The following FARP2 variants were observed in gnomAD, a reference collection of about 807,000 sequenced individuals.
FARP2 encodes FERM, ARH/RhoGEF and pleckstrin domain protein 2.
Under a neutral mutation model 130.5 loss-of-function variants are expected in FARP2, and 111 were observed. The ratio of observed to expected loss-of-function variants is 0.85; its 90% CI spans 0.73 to 1.00. The LOEUF is 1.00. FARP2 is among the 50% of genes least tolerant of loss of function. The probability of loss-of-function intolerance (pLI) is 0.00; values close to 1 mark genes in which losing one functional copy is unlikely to be tolerated. For missense variants in FARP2, 1,385 were observed against 1,346.3 expected (o/e 1.03, Z -0.45); for synonymous variants, 504 against 516.9 (o/e 0.98, Z 0.34).
chr2:241,442,842 T>A (rs2063422022), intron 13 of FARP2: 1 of 264,036 alleles, frequency 3.8e-6, no homozygotes, highest in African/African-American at 2.3e-5. Context: ...GAACTGGTGC[T>A]ATACATTCTG....
intron 17 of FARP2, among the ~76,000 whole-genome samples, chr2:241,467,598 C>T (rs995697969): frequency 3.3e-5 from 5 of 150,716 alleles, no homozygotes; most frequent in Admixed American, 6.6e-5. Context: ...GCTAAGATCC[C>T]ACCACTGTAC....
chr2:241,438,622 T>G (rs1031667393), intron 12 of FARP2, among the ~76,000 whole-genome samples: 14 of 102,102 alleles, frequency 1.4e-4, no homozygotes, highest in South Asian at 3.4e-4. Flanking sequence ...AACTCTCTGG[T>G]TTTTTTTTTT....
intron 19 of FARP2, among the ~76,000 whole-genome samples, chr2:241,481,456 T>A (rs1307960013): frequency 2.6e-5 from 4 of 152,214 alleles, no homozygotes; most frequent in African/African-American, 9.7e-5. Context: ...GTGTTAGCCT[T>A]GTTAGAAGAA....
chr2:241,492,791 T>C (rs1284119519), intron 24 of FARP2, 138 bp from the exon 25 acceptor site: 1 of 596,950 alleles, frequency 1.7e-6, no homozygotes, highest in African/African-American at 1.9e-5. Context: ...ATAAAGCTGC[T>C]GTTCATAGCA....
intron 12 of FARP2, among the ~76,000 whole-genome samples, chr2:241,439,919 T>C (rs2150413008): frequency 6.6e-6 from 1 of 152,188 alleles, no homozygotes; most frequent in East Asian, 1.9e-4. Context: ...GATGGCACAT[T>C]GCACTCCAGC....
At chr2:241,468,767 A>G (rs754857350) in intron 18 of FARP2, among the ~76,000 whole-genome samples, 8 of 152,232 alleles carry the variant, frequency 5.3e-5, no homozygotes, top group Non-Finnish European at 7.3e-5. Flanking sequence ...CCTGCTGCCT[A>G]TGGATGTTTC....
At position 241,494,110 on chromosome 2, in the gene FARP2, G is replaced by A. The variant is rs780479046; in HGVS notation, c.3150G>A (p.Arg1050=). 2 of 1,479,334 alleles carry A rather than the reference G, an allele frequency of 1.4e-6. No individual in the cohort carries two copies. The highest frequency in any genetic ancestry group is 1.8e-6 in the Non-Finnish European group (2 of 1,123,904). The allele number at this position is 1,479,334 out of a possible 1,614,324, so 91.6% of individuals were successfully genotyped here. A position where few individuals can be genotyped will look rare whatever the true frequency, so the allele number is the denominator to read the frequency against. ...CCTCAGGGCTGGAGGGGATGGTCAG[G>A]GGGAAGGAGGAATGACGCTCAACCT... is the stretch of plus-strand genomic sequence containing the variant. ...QPSSGLEGMV[R]GKEE The change falls in exon 27 of 27, where the codon AGG becomes AGA. Residue 1050 remains arginine (R), a synonymous_variant. Transcript: ENST00000264042. This position sits in a 1 kb window ranked among gnomAD's most constrained non-coding sequence, Gnocchi z 4.9.
chr2:241,480,229 G>A lies in FARP2; in HGVS notation c.2263-3236G>A, dbSNP rs182254830. On this transcript the variant is annotated intron_variant, in intron 19 of 26. Coordinates refer to ENST00000264042, the MANE Select transcript of FARP2 (RefSeq NM_014808.4). Reference sequence around the variant, plus strand: ...CACTGTCTGGTTTCCAGTGCTTCTGGAGACTTCTTGCCTAGGCCTCATCTT... The same window carrying A: ...CACTGTCTGGTTTCCAGTGCTTCTGAAGACTTCTTGCCTAGGCCTCATCTT... Among the ~76,000 whole-genome samples the A allele has an allele frequency of 8.2e-4, 125 of 152,150 alleles. 1 individual carries two copies. The highest frequency in any genetic ancestry group is 2.7e-3 in the African/African-American group (113 of 41,576).
At chr2:241,488,475 G>C (rs1574914361) in intron 21 of FARP2, 1 of 147,106 alleles carries the variant, frequency 6.8e-6, no homozygotes, top group South Asian at 2.1e-4. Flanking sequence ...GGAGTGCCCA[G>C]GCACGATCTC....
chr2:241,365,971 GCT>G (rs1296275283), intron 1 of FARP2, among the ~76,000 whole-genome samples: 2 of 143,910 alleles, frequency 1.4e-5, no homozygotes, highest in African/African-American at 5.1e-5. Flanking sequence ...TTTGGTTTAT[GCT>G]CTTTTTTTTT....
At chr2:241,381,649 T>G (rs2061666152) in intron 2 of FARP2, among the ~76,000 whole-genome samples, 1 of 152,234 alleles carries the variant, frequency 6.6e-6, no homozygotes, top group Non-Finnish European at 1.5e-5. Context: ...TTATTGTTCC[T>G]TTTTAGGTAT....
chr2:241,481,056 CAAAAAAA>C (rs34996407), intron 19 of FARP2, among the ~76,000 whole-genome samples: 1,663 of 105,176 alleles, frequency 0.016, 37 homozygotes, highest in African/African-American at 0.054. Flanking sequence ...TTGTCTCTAC[CAAAAAAA>C]AAAAAAAAAA....
At chr2:241,462,646 TA>T (rs753027843) in intron 15 of FARP2, 34 bp downstream of exon 15, 122 of 1,358,958 alleles carry the variant, frequency 9.0e-5, no homozygotes, top group Admixed American at 1.4e-4. Context: ...GATTTTTTTT[TA>T]AAATAAATCT....
intron 2 of FARP2, chr2:241,395,514 G>A (rs945789334): frequency 1.3e-5 from 2 of 152,190 alleles, no homozygotes; most frequent in Admixed American, 1.3e-4. Flanking sequence ...TTATGCCATT[G>A]CAGAGAAGCT....
chr2:241,370,094 GA>G (rs952529164), intron 1 of FARP2, among the ~76,000 whole-genome samples: 2 of 152,114 alleles, frequency 1.3e-5, no homozygotes, highest in African/African-American at 4.8e-5. Flanking sequence ...GCAGTAAGAA[GA>G]AATAAGATCT....
At chr2:241,373,754 C>G (rs2061475941) in intron 2 of FARP2, among the ~76,000 whole-genome samples, 1 of 152,140 alleles carries the variant, frequency 6.6e-6, no homozygotes, top group Non-Finnish European at 1.5e-5. Context: ...ACACACAGAG[C>G]CTGTCATGCA....
Position 241,486,177 on chromosome 2 carries a change from G to C in FARP2, c.2421+1846G>C, listed in dbSNP as rs865914493. Among the ~76,000 whole-genome samples, 17 of 152,212 alleles carry C rather than the reference G, an allele frequency of 1.1e-4. No homozygotes were observed. In the Middle Eastern group the frequency reaches 0.02, roughly 183 times the overall value. Reference sequence around the variant, plus strand: ...TCACTCATCACTGGCCAGTTGCTGTGGCTCACGCCTGTAATGCCAGCACTT... The same window carrying C: ...TCACTCATCACTGGCCAGTTGCTGTCGCTCACGCCTGTAATGCCAGCACTT... On this transcript the variant is annotated intron_variant, in intron 21 of 26. Coordinates refer to ENST00000264042, the MANE Select transcript of FARP2 (RefSeq NM_014808.4).
chr2:241,357,493 C>T (rs1332809666), intron 1 of FARP2, among the ~76,000 whole-genome samples: 1 of 152,088 alleles, frequency 6.6e-6, no homozygotes, highest in Non-Finnish European at 1.5e-5. Context: ...TTTTGAGGTC[C>T]TTAAAGGTTT....
intron 2 of FARP2, among the ~76,000 whole-genome samples, chr2:241,402,958 T>C (rs1190528783): frequency 2.4e-5 from 3 of 126,086 alleles, no homozygotes; most frequent in Non-Finnish European, 4.8e-5. Context: ...CCTGAACTCC[T>C]GTACTCAAGA....
Sources: gnomAD v4.1 joint callset for allele counts (sites outside exome capture counted in the v4.1 genomes callset) on GRCh38, gnomAD v4.1.1 for gene constraint, Gnocchi (gnomAD v3.1) non-coding constraint, MANE v1.5 for transcripts, NCBI Gene and HGNC (gene_info 2026-07-23, HGNC 2026-07-21) for gene names.